The following SPRY3 variants were observed in gnomAD, a reference collection of about 807,000 sequenced individuals.
SPRY3 encodes protein sprouty homolog 3.
Under a neutral mutation model 20.2 loss-of-function variants are expected in SPRY3, and 15 were observed. The ratio of observed to expected loss-of-function variants is 0.74; its 90% CI spans 0.50 to 1.14. The LOEUF (loss-of-function observed/expected upper bound fraction) is 1.14. SPRY3 is among the 50% of genes most tolerant of loss of function. SPRY3 has a pLI of 0.00. For missense variants in SPRY3, 364 were observed against 363.9 expected (o/e 1.00, Z 0.00); for synonymous variants, 143 against 136.5 (o/e 1.05, Z -0.33).
chrX:155,714,038 T>G (rs2091004697), intron 2 of SPRY3, among the ~76,000 whole-genome samples: 1 of 152,190 alleles, frequency 6.6e-6, no homozygotes, highest in African/African-American at 2.4e-5. Context: ...AATTTTTGCT[T>G]GATTCTTTTT....
At chrX:155,723,577 T>A (rs1040511490) in intron 2 of SPRY3, among the ~76,000 whole-genome samples, 1 of 152,230 alleles carries the variant, frequency 6.6e-6, no homozygotes, top group African/African-American at 2.4e-5. Context: ...TGCATAAATG[T>A]CTTCTTTTGA....
chrX:155,692,364 TGTCTGAGTCTATTATGTTTCAGTGACC>T (rs1340359404), intron 2 of SPRY3, among the ~76,000 whole-genome samples: 6 of 111,524 alleles, frequency 5.4e-5, no homozygotes, highest in African/African-American at 2.0e-4. Flanking sequence ...GAACTGAACA[TGTCTGAGTCTATTATGTTTCAGTGACC>T]TATATGTCTA....
At chrX:155,724,864 G>C (rs1164378844) in intron 2 of SPRY3, among the ~76,000 whole-genome samples, 4 of 152,274 alleles carry the variant, frequency 2.6e-5, no homozygotes, top group Non-Finnish European at 4.4e-5. Flanking sequence ...TGTTGAGTAG[G>C]AGTGGTGAGA....
chrX:155,781,913 G>T (rs2091465356), exon 2 of SPRY3: 1 of 166,966 alleles, frequency 6.0e-6, no homozygotes, highest in Admixed American at 6.5e-5. Context: ...ATCAAAATTA[G>T]CAGTTGAGGA....
At chrX:155,704,209 T>C (rs969339644) in intron 2 of SPRY3, among the ~76,000 whole-genome samples, 1 of 151,766 alleles carries the variant, frequency 6.6e-6, no homozygotes, top group African/African-American at 2.4e-5. Context: ...TTGGAAACTC[T>C]CTGACAGGTA....
At chrX:155,660,911 A>C (rs1218592077) in intron 2 of SPRY3, among the ~76,000 whole-genome samples, 1 of 110,838 alleles carries the variant, frequency 9.0e-6, no homozygotes, top group African/African-American at 3.3e-5. Flanking sequence ...AAGTCTGTAA[A>C]TATCTTACCA....
chrX:155,764,381 T>G (rs1393766778), intron 2 of SPRY3, among the ~76,000 whole-genome samples: 1 of 151,296 alleles, frequency 6.6e-6, no homozygotes, highest in South Asian at 2.1e-4. Context: ...CAATACATAG[T>G]GAGTTTTGTA....
At chrX:155,750,315 C>T (rs1397186544) in intron 2 of SPRY3, among the ~76,000 whole-genome samples, 2 of 151,770 alleles carry the variant, frequency 1.3e-5, no homozygotes, top group African/African-American at 4.8e-5. Context: ...GAAAAACTAA[C>T]TGTTGGGTAC....
rs138235979 is a variant in SPRY3 at position 155,720,398 on chromosome X, G to C, written c.-281-47564G>C. On this transcript the variant is annotated intron_variant, in intron 2 of 3. Coordinates refer to ENST00000675360, the Ensembl canonical transcript of SPRY3. ...TCCTACCTTGAAGGGAAGGACACAG[G>C]CCTGTCTGGTTTTGCCACCTGCTGA... 9.8e-3 allele frequency among the ~76,000 whole-genome samples: 1,488 copies of C among 152,262 alleles called. 16 individuals are homozygous for C. Among genetic ancestry groups the C allele is most frequent in the Non-Finnish European group, 0.011 (778 of 68,022 alleles).
intron 1 of SPRY3, among the ~76,000 whole-genome samples, chrX:155,617,325 G>C (rs2067856975): frequency 9.0e-6 from 1 of 110,628 alleles, no homozygotes; most frequent in African/African-American, 3.3e-5. Flanking sequence ...AGGAAAAAAA[G>C]TTATGTTGGG....
At chrX:155,744,411 G>A (rs2091216564) in intron 2 of SPRY3, among the ~76,000 whole-genome samples, 1 of 152,132 alleles carries the variant, frequency 6.6e-6, no homozygotes, top group Non-Finnish European at 1.5e-5. Flanking sequence ...TGGGAAAGAA[G>A]TGGTTAAACA....
At chrX:155,641,442 C>T (rs1458117000) in intron 1 of SPRY3, among the ~76,000 whole-genome samples, 1 of 114,956 alleles carries the variant, frequency 8.7e-6, no homozygotes, top group East Asian at 2.7e-4. Flanking sequence ...GATGTGGCGG[C>T]AGCCCGCGGT....
chrX:155,748,274 T>A (rs2124579711), intron 2 of SPRY3, among the ~76,000 whole-genome samples: 1 of 152,048 alleles, frequency 6.6e-6, no homozygotes, highest in Non-Finnish European at 1.5e-5. Context: ...AATTGCCATT[T>A]ATAAACCATG....
At chrX:155,730,658 C>G (rs1346043108) in intron 2 of SPRY3, among the ~76,000 whole-genome samples, 2 of 151,914 alleles carry the variant, frequency 1.3e-5, no homozygotes, top group Non-Finnish European at 2.9e-5. Flanking sequence ...GAAGTCCTAG[C>G]TAGAGCAATC....
chrX:155,769,147 G>T (rs1025828325), intron 3 of SPRY3, among the ~76,000 whole-genome samples: 6 of 152,108 alleles, frequency 3.9e-5, no homozygotes, highest in Non-Finnish European at 7.4e-5. Context: ...CATATACAAA[G>T]ACATTACTAT....
chrX:155,741,810 C>T (rs1281744624), intron 2 of SPRY3, among the ~76,000 whole-genome samples: 1 of 152,070 alleles, frequency 6.6e-6, no homozygotes, highest in Non-Finnish European at 1.5e-5. Context: ...GAATTTATCA[C>T]CACCAGGCCT....
At chrX:155,777,062 A>AT (rs2091431742), downstream of SPRY3, 1 of 167,022 alleles carries the variant, frequency 6.0e-6, no homozygotes, top group Admixed American at 6.5e-5. Flanking sequence ...AGATCCTTCA[A>AT]TTTTAAGTAA....
At chrX:155,723,167 T>G (rs2091072929) in intron 2 of SPRY3, among the ~76,000 whole-genome samples, 1 of 152,220 alleles carries the variant, frequency 6.6e-6, no homozygotes, top group Non-Finnish European at 1.5e-5. Flanking sequence ...CACATTTTCT[T>G]AATCCAGTCT....
intron 3 of SPRY3, 146 bp from the exon 3 acceptor site, chrX:155,773,620 T>A (rs1373286265): frequency 1.9e-6 from 1 of 540,182 alleles, no homozygotes; most frequent in Non-Finnish European, 3.2e-6. Flanking sequence ...GTAAGTGAGG[T>A]TAATTACAGA....
Sources: allele counts gnomAD v4.1 joint callset (sites outside exome capture counted in the v4.1 genomes callset), GRCh38; gene constraint gnomAD v4.1.1; transcripts MANE v1.5; gene names NCBI Gene and HGNC (gene_info 2026-07-23, HGNC 2026-07-21).